Variants in MALRD1 observed in about 807,000 individuals in gnomAD.
The protein encoded by MALRD1 is MAM and LDL receptor class A domain containing 1.
In MALRD1, 247 loss-of-function variants were observed where a neutral mutation model predicts 242.1. That is an observed-to-expected ratio of 1.02 (90% confidence interval 0.92 to 1.13). MALRD1 has a LOEUF of 1.13. Among genes scored for constraint, MALRD1 ranks in the 50% most tolerant of loss-of-function variants. MALRD1 has a pLI of 0.00. For missense variants in MALRD1, 2,989 were observed against 2,533.1 expected, an observed-to-expected ratio of 1.18 and a Z score of -3.86; for synonymous variants, 995 against 866.6, an observed-to-expected ratio of 1.15 and a Z score of -2.60.
At chr10:19,391,208 C>A (rs1033863057) in intron 28 of MALRD1, among the ~76,000 whole-genome samples, 6 of 152,094 alleles carry the variant, frequency 3.9e-5, no homozygotes, top group African/African-American at 1.4e-4. Flanking sequence ...TTTTAAAAAG[C>A]CTGTCTTCCT....
chr10:19,373,400 T>C (rs1361028797), intron 26 of MALRD1, among the ~76,000 whole-genome samples: 1 of 151,916 alleles, frequency 6.6e-6, no homozygotes, highest in African/African-American at 2.4e-5. Context: ...GTGCCTGTAA[T>C]TCCAGCTACT....
chr10:19,714,774 T>C (rs1270904083), intron 38 of MALRD1, among the ~76,000 whole-genome samples: 1 of 152,110 alleles, frequency 6.6e-6, no homozygotes. Context: ...GCGGATCGCA[T>C]CTTTTATTTA....
chr10:19,069,414 A>G lies in MALRD1; in HGVS notation c.340+2555A>G, dbSNP rs79789239. On this transcript the variant is annotated intron_variant, in intron 2 of 39. Transcript: ENST00000454679. The stretch of plus-strand genomic sequence containing the variant: ...AAGCCCTACAAATCAATGTTATAAT[A>G]TTTGCTTTAGACAGCATTAAAAATA... Among the ~76,000 whole-genome samples, 425 of 152,120 alleles carry G rather than the reference A, an allele frequency of 2.8e-3. 1 individual carries two copies. The highest frequency in any genetic ancestry group is 9.8e-3 in the African/African-American group (408 of 41,552).
intron 32 of MALRD1, among the ~76,000 whole-genome samples, chr10:19,534,372 T>C (rs1321552715): frequency 1.3e-5 from 2 of 152,212 alleles, no homozygotes; most frequent in Non-Finnish European, 2.9e-5. Flanking sequence ...AAACCCATTC[T>C]CCGTGTTCTT....
chr10:19,085,792 T>G (rs1835650016), intron 2 of MALRD1, among the ~76,000 whole-genome samples: 2 of 152,038 alleles, frequency 1.3e-5, no homozygotes, highest in Admixed American at 1.3e-4. Context: ...TAAAAATATA[T>G]ATGAATAATT....
At position 19,087,930 on chromosome 10, in the gene MALRD1, G is replaced by A. The variant is rs919918275; in HGVS notation, c.431G>A (p.Cys144Tyr). 6 of 1,232,718 alleles carry A rather than the reference G, an allele frequency of 4.9e-6. No individual in the cohort carries two copies. Among genetic ancestry groups the A allele is most frequent in the East Asian group, 3.2e-5 (1 of 31,660 alleles). 76.4% of individuals were successfully genotyped at this position (1,232,718 alleles called of 1,614,324 possible). A position where few individuals can be genotyped will look rare whatever the true frequency, so the allele number is the denominator to read the frequency against. Residue 144 changes from cysteine (C) to tyrosine (Y), a missense_variant, in exon 3 of 40, where the codon TGC becomes TAC. Cys to Tyr is a radical substitution (Grantham distance 194, BLOSUM62 -2). Transcript: ENST00000454679. ...CTTCCAACAAATGATCAACATGACT[G>A]CCAGGTATTTGAAAGCACACAGCAT... ...VFLPTNDQHDCQITFYYFSCQ... is the reference protein window; with the variant it reads ...VFLPTNDQHDYQITFYYFSCQ...
At chr10:19,054,399 T>A (rs989462397) in intron 1 of MALRD1, among the ~76,000 whole-genome samples, 2 of 152,162 alleles carry the variant, frequency 1.3e-5, no homozygotes, top group Non-Finnish European at 2.9e-5. Flanking sequence ...TTGCCTCACT[T>A]ATCAATTTTT....
intron 24 of MALRD1, among the ~76,000 whole-genome samples, chr10:19,338,259 G>A (rs950702339): frequency 6.6e-5 from 10 of 151,976 alleles, no homozygotes; most frequent in African/African-American, 2.2e-4. Context: ...ATAATAACAT[G>A]TATCGACTAC....
intron 36 of MALRD1, among the ~76,000 whole-genome samples, chr10:19,655,959 G>A (rs1002936272): frequency 6.6e-6 from 1 of 152,062 alleles, no homozygotes; most frequent in Non-Finnish European, 1.5e-5. Context: ...AGCTGCAGGA[G>A]CTTGGACATG....
At position 19,545,092 on chromosome 10, in the gene MALRD1, C is replaced by A. The variant is rs61841420; in HGVS notation, c.5478+13741C>A. On this transcript the variant is annotated intron_variant, in intron 32 of 39. Transcript: ENST00000454679. Reference sequence around the variant, plus strand: ...GGTGTGGGTTCTTCTGAGGCTTCTTCCTTGACTGGTCACTGGTCACCTTTC... The same window carrying A: ...GGTGTGGGTTCTTCTGAGGCTTCTTACTTGACTGGTCACTGGTCACCTTTC... Among the ~76,000 whole-genome samples, 1,469 of 152,268 alleles carry A rather than the reference C, an allele frequency of 9.6e-3. 15 individuals are homozygous for A. Among genetic ancestry groups the A allele is most frequent in the Middle Eastern group, 0.017 (5 of 292 alleles).
At chr10:19,661,917 A>G (rs890086908) in intron 36 of MALRD1, among the ~76,000 whole-genome samples, 3 of 152,182 alleles carry the variant, frequency 2.0e-5, no homozygotes, top group Admixed American at 1.3e-4. Context: ...TACATCTATT[A>G]AACACCATGG....
chr10:19,724,008 T>A (rs1834896979), intron 38 of MALRD1, among the ~76,000 whole-genome samples: 1 of 152,174 alleles, frequency 6.6e-6, no homozygotes, highest in African/African-American at 2.4e-5. Context: ...CAGTGAGCTA[T>A]GATCACACCA....
chr10:19,594,208 A>G (rs913820174), intron 33 of MALRD1, among the ~76,000 whole-genome samples: 3 of 152,208 alleles, frequency 2.0e-5, no homozygotes, highest in Admixed American at 2.0e-4. Flanking sequence ...ATCTGATTTA[A>G]TAGTCCAATT....
chr10:19,059,041 G>C (rs1307867699), intron 1 of MALRD1, among the ~76,000 whole-genome samples: 1 of 152,002 alleles, frequency 6.6e-6, no homozygotes, highest in African/African-American at 2.4e-5. Flanking sequence ...CATGCAAAAA[G>C]TCTCCTTACA....
Position 19,280,121 on chromosome 10 carries a change from G to A in MALRD1, c.3154G>A (p.Asp1052Asn). ...PVTLPPHNCT[D>N]NEFICRSDGH... The stretch of plus-strand genomic sequence containing the variant: ...AACATTACCTCCACACAACTGCACA[G>A]ACAATGAATTTATCTGCAGGTCTGA... The change falls in exon 20 of 40, where the codon GAC (aspartate) becomes AAC (asparagine). Residue 1052 changes from aspartate (D) to asparagine (N), a missense_variant. Asp to Asn is a conservative substitution (Grantham distance 23). Transcript: ENST00000454679. 1 of 1,545,758 alleles carries A rather than the reference G, an allele frequency of 6.5e-7. No individual in the cohort carries two copies. The highest frequency in any genetic ancestry group is 8.7e-7 in the Non-Finnish European group (1 of 1,145,312).
intron 38 of MALRD1, among the ~76,000 whole-genome samples, chr10:19,708,119 A>T (rs1260840232): frequency 8.3e-6 from 1 of 120,598 alleles, no homozygotes; most frequent in African/African-American, 2.6e-5. Flanking sequence ...TGCACAGTTG[A>T]TAATGCTGAG....
chr10:19,066,041 A>C (rs1303982840), intron 1 of MALRD1, among the ~76,000 whole-genome samples: 1 of 152,142 alleles, frequency 6.6e-6, no homozygotes, highest in Non-Finnish European at 1.5e-5. Context: ...GTCTCTTGCT[A>C]TCCATGGATA....
intron 2 of MALRD1, among the ~76,000 whole-genome samples, chr10:19,081,749 A>C (rs907759983): frequency 1.3e-5 from 2 of 152,058 alleles, no homozygotes; most frequent in Non-Finnish European, 2.9e-5. Flanking sequence ...CACATCCTGC[A>C]TGTGTACCCC....
chr10:19,703,261 C>T (rs1833702788), intron 38 of MALRD1, among the ~76,000 whole-genome samples: 1 of 152,178 alleles, frequency 6.6e-6, no homozygotes, highest in Admixed American at 6.5e-5. Context: ...TTTTGCTCGT[C>T]TGTTTTGATT....
Sources: allele counts gnomAD v4.1 joint callset (sites outside exome capture counted in the v4.1 genomes callset), GRCh38; gene constraint gnomAD v4.1.1; transcripts MANE v1.5; gene names NCBI Gene and HGNC (gene_info 2026-07-23, HGNC 2026-07-21).